HIP1: variants seen among roughly 807,000 people sequenced by gnomAD.
HIP1 encodes the protein huntingtin interacting protein 1.
Under a neutral mutation model 147.6 loss-of-function variants are expected in HIP1, and 65 were observed. The ratio of observed to expected loss-of-function variants is 0.44; its 90% CI spans 0.36 to 0.54. The LOEUF (loss-of-function observed/expected upper bound fraction) is 0.54. Among genes scored for constraint, HIP1 ranks in the 20% least tolerant of loss-of-function variants. HIP1 has a pLI of 0.00. For synonymous variants in HIP1, 479 were observed against 504.0 expected, an observed-to-expected ratio of 0.95 and a Z score of 0.67; for missense variants, 1,061 against 1,299.6, an observed-to-expected ratio of 0.82 and a Z score of 2.82.
chr7:75,660,088 T>C (rs1554513384), intron 1 of HIP1, among the ~76,000 whole-genome samples: 1 of 151,354 alleles, frequency 6.6e-6, no homozygotes. Context: ...ATAGTGCCAT[T>C]GTACTCCAGC....
chr7:75,645,397 G>T (rs1008259614), intron 1 of HIP1, among the ~76,000 whole-genome samples: 3 of 151,670 alleles, frequency 2.0e-5, no homozygotes, highest in Non-Finnish European at 4.4e-5. Context: ...CAGCTAATTT[G>T]TGTATTTTTA....
chr7:75,588,358 G>A (rs1041211314), intron 4 of HIP1, among the ~76,000 whole-genome samples: 1 of 152,102 alleles, frequency 6.6e-6, no homozygotes, highest in Non-Finnish European at 1.5e-5. Flanking sequence ...AGGGACGGAG[G>A]ACAGAAACAA....
At chr7:75,613,161 T>C (rs587733723) in intron 1 of HIP1, among the ~76,000 whole-genome samples, 98 of 149,854 alleles carry the variant, frequency 6.5e-4, no homozygotes, top group African/African-American at 2.2e-3. Context: ...AAATTGGCCA[T>C]GGCAGGTTGC....
At chr7:75,599,150 G>GGGTC in intron 2 of HIP1, 34 bp downstream of exon 2, 1 of 1,552,756 alleles carries the variant, frequency 6.4e-7, no homozygotes, top group Non-Finnish European at 8.9e-7. Context: ...ACCTCCCTCA[G>GGGTC]GGTCGGTCTT....
intron 13 of HIP1, among the ~76,000 whole-genome samples, chr7:75,560,603 G>C (rs968837861): frequency 3.9e-5 from 6 of 152,144 alleles, no homozygotes; most frequent in Admixed American, 3.9e-4. Context: ...GTTCTCCACA[G>C]CTTCTCAGCC....
intron 7 of HIP1, among the ~76,000 whole-genome samples, chr7:75,579,995 T>C (rs1251671357): frequency 2.6e-5 from 4 of 152,048 alleles, no homozygotes; most frequent in Non-Finnish European, 5.9e-5. Context: ...GGAGACGCGC[T>C]GGAGAGAAGG....
In HIP1 at chr7:75,553,521, C is replaced by G; in HGVS notation, c.2227G>C (p.Gly743Arg). ...LAYLASLEEE[G>R]SLENADSTAM... ...GTGCTGTCGGCATTCTCAAGGCTTC[C>G]CTCTTCCTCCAGGGAGGCCAGGTAG... The change falls in exon 22 of 31, where the codon GGA becomes CGA. Residue 743 changes from glycine (G) to arginine (R), a missense_variant. Physicochemically the swap from Gly to Arg is moderately radical, Grantham distance 125. Coordinates refer to ENST00000336926, the MANE Select transcript of HIP1 (RefSeq NM_005338.7). 6.2e-7 allele frequency: 1 copy of G among 1,614,162 alleles called. No homozygotes were observed. Among genetic ancestry groups the G allele is most frequent in the African/African-American group, 1.3e-5 (1 of 75,054 alleles).
chr7:75,534,496 C>T lies in HIP1; in HGVS notation c.*3676G>A, dbSNP rs6953853. On this transcript the variant is annotated 3_prime_UTR_variant, in exon 31 of 31. Coordinates refer to ENST00000336926, the MANE Select transcript of HIP1 (RefSeq NM_005338.7). ...TGACCCAGGCTGGAGTGCAGTGGTGCGATCTTGGCTCACTACAACCTCTGT... is the reference window on the plus strand; with the variant it reads ...TGACCCAGGCTGGAGTGCAGTGGTGTGATCTTGGCTCACTACAACCTCTGT... 1.9e-4 allele frequency: 34 copies of T among 177,240 alleles called. No homozygotes were observed. Among genetic ancestry groups the T allele is most frequent in the African/African-American group, 6.0e-4 (25 of 41,550 alleles). 11.0% of individuals were successfully genotyped at this position (177,240 alleles called of 1,614,324 possible).
chr7:75,572,005 T>C (rs1041232082), intron 8 of HIP1, among the ~76,000 whole-genome samples: 1 of 151,894 alleles, frequency 6.6e-6, no homozygotes, highest in South Asian at 2.1e-4. Context: ...AGGCCAGGAG[T>C]TCGAGACCAG....
intron 1 of HIP1, among the ~76,000 whole-genome samples, chr7:75,666,330 C>T (rs144196178): frequency 2.6e-5 from 4 of 151,502 alleles, no homozygotes; most frequent in African/African-American, 4.9e-5. Context: ...TCACCATGCC[C>T]GGCTAATTTT....
chr7:75,576,519 C>T (rs937928730), intron 7 of HIP1, among the ~76,000 whole-genome samples: 5 of 152,006 alleles, frequency 3.3e-5, no homozygotes, highest in African/African-American at 1.2e-4. Flanking sequence ...GTCAAGAGTT[C>T]GAGGCCAGCC....
At position 75,585,638 on chromosome 7, in the gene HIP1, C is replaced by T. The variant is rs1344941560; in HGVS notation, c.465+1115G>A. Among the ~76,000 whole-genome samples, 13 of 151,908 alleles carry T rather than the reference C, an allele frequency of 8.6e-5. 1 individual carries two copies. The highest frequency in any genetic ancestry group is 1.9e-4 in the African/African-American group (8 of 41,376). ...CTTGCAATCCAGCCCAAGGGCAGCC[C>T]GACTCCCCGCCTCAGCCTCTGACAC... On this transcript the variant is annotated intron_variant, in intron 5 of 30. Transcript: ENST00000336926.
chr7:75,585,445 G>T (rs2116940769), intron 5 of HIP1, among the ~76,000 whole-genome samples: 1 of 152,148 alleles, frequency 6.6e-6, no homozygotes, highest in South Asian at 2.1e-4. Flanking sequence ...TGAAATGCTG[G>T]GATGACAGGC....
chr7:75,644,584 T>C (rs537789005), intron 1 of HIP1, among the ~76,000 whole-genome samples: 19 of 152,160 alleles, frequency 1.2e-4, no homozygotes, highest in Admixed American at 1.0e-3. Context: ...TGTGAGACAC[T>C]GGCCCTGGCT....
At chr7:75,593,649 A>G (rs1436707789) in intron 2 of HIP1, among the ~76,000 whole-genome samples, 7 of 150,822 alleles carry the variant, frequency 4.6e-5, no homozygotes, top group Non-Finnish European at 8.9e-5. Flanking sequence ...AAAAAAAAAA[A>G]AGTGAGAGTG....
intron 1 of HIP1, among the ~76,000 whole-genome samples, chr7:75,718,587 G>A (rs1316667650): frequency 6.6e-6 from 1 of 152,186 alleles, no homozygotes; most frequent in Non-Finnish European, 1.5e-5. Context: ...CCAGTCCTCC[G>A]ACTTGGAGCC....
intron 1 of HIP1, among the ~76,000 whole-genome samples, chr7:75,691,266 A>G (rs1230856675): frequency 6.6e-6 from 1 of 151,854 alleles, no homozygotes; most frequent in African/African-American, 2.4e-5. Context: ...GGGCAGGAGG[A>G]TCGCTTGAGG....
At chr7:75,650,933 G>A (rs947456655) in intron 1 of HIP1, among the ~76,000 whole-genome samples, 1 of 152,126 alleles carries the variant, frequency 6.6e-6, no homozygotes, top group Non-Finnish European at 1.5e-5. Flanking sequence ...CTGGCCTTGG[G>A]GGCAGAGTGA....
chr7:75,665,450 G>T (rs534547153), intron 1 of HIP1, among the ~76,000 whole-genome samples: 4 of 152,268 alleles, frequency 2.6e-5, no homozygotes, highest in African/African-American at 9.6e-5. Context: ...CCACTGAGCA[G>T]TGTTGAAGGT....
Sources: allele counts gnomAD v4.1 joint callset (sites outside exome capture counted in the v4.1 genomes callset), GRCh38; gene constraint gnomAD v4.1.1; transcripts MANE v1.5; gene names NCBI Gene and HGNC (gene_info 2026-07-23, HGNC 2026-07-21).